EML6: variants seen among roughly 807,000 people sequenced by gnomAD.
EML6 encodes the protein EMAP like 6.
In EML6, 154 loss-of-function variants were observed where a neutral mutation model predicts 240.1. That is an observed-to-expected ratio of 0.64 (90% CI 0.56 to 0.73). The LOEUF (loss-of-function observed/expected upper bound fraction) is 0.73. EML6 is among the 30% of genes least tolerant of loss of function. The pLI is 0.00. For synonymous variants in EML6, 1,148 were observed against 899.0 expected, an observed-to-expected ratio of 1.28 and a Z score of -4.95; for missense variants, 2,964 against 2,474.6, an observed-to-expected ratio of 1.20 and a Z score of -4.20.
At chr2:54,799,877 C>A (rs754210062) in intron 2 of EML6, among the ~76,000 whole-genome samples, 10 of 152,108 alleles carry the variant, frequency 6.6e-5, no homozygotes, top group Non-Finnish European at 1.3e-4. Flanking sequence ...GCTCTCTGAC[C>A]TTTGCTAGAA....
intron 11 of EML6, among the ~76,000 whole-genome samples, chr2:54,856,714 C>T (rs941913364): frequency 1.3e-5 from 2 of 152,088 alleles, no homozygotes; most frequent in African/African-American, 2.4e-5. Context: ...AGGGCTGTGT[C>T]GTAAAGGGCC....
intron 35 of EML6, among the ~76,000 whole-genome samples, chr2:54,961,439 G>T (rs907786459): frequency 1.3e-5 from 2 of 151,266 alleles, no homozygotes; most frequent in South Asian, 4.2e-4. Flanking sequence ...CACCCACCAC[G>T]GCCTCCCAAA....
At chr2:54,798,855 A>T (rs1442253255) in intron 2 of EML6, among the ~76,000 whole-genome samples, 1 of 152,224 alleles carries the variant, frequency 6.6e-6, no homozygotes, top group Non-Finnish European at 1.5e-5. Flanking sequence ...CTTGGTCTTC[A>T]TCATAAAGAG....
rs530232901 is a variant in EML6, at chr2:54,793,856, C to G, written c.198-19376C>G. 1.5e-4 allele frequency among the ~76,000 whole-genome samples: 23 copies of G among 152,258 alleles called. No individual in the cohort carries two copies. In the East Asian group the frequency reaches 4.3e-3, roughly 28 times the overall value. On this transcript the variant is annotated intron_variant, in intron 2 of 41. Transcript: ENST00000356458. ...TGGCTGGAACTCCCTGGAACTCCAG[C>G]CTAGGTCTTTTCTCTTCCTTCCCCT...
intron 10 of EML6, 70 bp from the exon 11 acceptor site, chr2:54,853,573 A>G: frequency 1.0e-6 from 1 of 996,756 alleles, no homozygotes; most frequent in South Asian, 2.3e-5. Flanking sequence ...TTAAAGTTTC[A>G]GATCTTTATA....
chr2:54,961,184 G>GTTGTTTTTTTTTTTTTTTT, intron 35 of EML6, among the ~76,000 whole-genome samples: 1,151 of 55,382 alleles, frequency 0.021, 475 homozygotes, highest in East Asian at 0.058. Context: ...TCAGGAAGTA[G>GTTGTTTTTTTTTTTTTTTT]TTTTTTTTTT....
chr2:54,839,224 A>G (rs1301902487), intron 7 of EML6, among the ~76,000 whole-genome samples: 1 of 152,212 alleles, frequency 6.6e-6, no homozygotes, highest in African/African-American at 2.4e-5. Flanking sequence ...CCCAGAAGAG[A>G]CTGTGTGGTT....
At chr2:54,878,508 T>C (rs1022524224) in intron 16 of EML6, among the ~76,000 whole-genome samples, 4 of 152,242 alleles carry the variant, frequency 2.6e-5, no homozygotes, top group Non-Finnish European at 5.9e-5. Flanking sequence ...ATACCTCTTC[T>C]TTTGTCTTGA....
Position 54,725,041 on chromosome 2 carries a change from G to T in EML6, c.-21G>T. The T allele has an allele frequency of 1.3e-5, 20 of 1,494,412 alleles. No homozygotes were observed. Among genetic ancestry groups the T allele is most frequent in the Non-Finnish European group, 1.8e-5 (20 of 1,122,530 alleles). 92.6% of individuals were successfully genotyped at this position (1,494,412 alleles called of 1,614,324 possible). A position where few individuals can be genotyped will look rare whatever the true frequency, so the allele number is the denominator to read the frequency against. On this transcript the variant is annotated 5_prime_UTR_variant, in exon 2 of 42. Coordinates refer to ENST00000356458, the MANE Select transcript of EML6 (RefSeq NM_001039753.4). The surrounding 1 kb of genome is among the most constrained non-coding windows in gnomAD (Gnocchi z 4.3). ...GGCCCCGGCGCGCGGGGGGGCGGGG[G>T]GCGCGCGGGGTCGGCTTATCATGGC... is the stretch of plus-strand genomic sequence containing the variant.
chr2:54,749,285 T>A (rs1309737095), intron 2 of EML6, among the ~76,000 whole-genome samples: 1 of 152,228 alleles, frequency 6.6e-6, no homozygotes, highest in African/African-American at 2.4e-5. Context: ...TCTTTCATGG[T>A]AAATGCCTAC....
At chr2:54,754,009 C>T (rs1252770137) in intron 2 of EML6, among the ~76,000 whole-genome samples, 1 of 151,874 alleles carries the variant, frequency 6.6e-6, no homozygotes. Flanking sequence ...GCAGCCTGCA[C>T]CTGTAGTCCC....
intron 25 of EML6, among the ~76,000 whole-genome samples, chr2:54,913,049 C>G (rs1267504661): frequency 1.4e-5 from 2 of 146,854 alleles, no homozygotes; most frequent in African/African-American, 5.0e-5. Context: ...ATTCCCTTTA[C>G]TCTTCAGCCT....
At chr2:54,765,146 G>A (rs549405499) in intron 2 of EML6, among the ~76,000 whole-genome samples, 4 of 151,818 alleles carry the variant, frequency 2.6e-5, no homozygotes, top group Non-Finnish European at 1.5e-5. Context: ...TTAAGTGATC[G>A]TAGAAGTTTT....
chr2:54,966,462 T>C (rs1676751451), intron 38 of EML6, among the ~76,000 whole-genome samples: 1 of 152,348 alleles, frequency 6.6e-6, no homozygotes, highest in Admixed American at 6.5e-5. Context: ...AAAAATGGTC[T>C]GTTTCCTTTA....
chr2:54,913,626 T>G (rs1673757926), intron 25 of EML6, among the ~76,000 whole-genome samples: 1 of 152,230 alleles, frequency 6.6e-6, no homozygotes, highest in Admixed American at 6.5e-5. Flanking sequence ...GATATTTTCT[T>G]TTGCTATGTG....
intron 2 of EML6, among the ~76,000 whole-genome samples, chr2:54,789,419 CAGG>C (rs1323989314): frequency 7.2e-6 from 1 of 137,984 alleles, no homozygotes; most frequent in African/African-American, 2.7e-5. Context: ...GAGGCTGAGG[CAGG>C]AGAATGGCGT....
At chr2:54,877,681 T>A (rs1671583479) in intron 16 of EML6, among the ~76,000 whole-genome samples, 1 of 152,226 alleles carries the variant, frequency 6.6e-6, no homozygotes, top group Non-Finnish European at 1.5e-5. Flanking sequence ...TAAGGGGATA[T>A]CATTAGTTGT....
chr2:54,816,738 TA>T (rs1180385130), intron 3 of EML6, 48 bp from the exon 4 acceptor site: 41 of 1,324,812 alleles, frequency 3.1e-5, no homozygotes, highest in Non-Finnish European at 4.4e-5. Flanking sequence ...AACGTGTCAG[TA>T]AGTCTTCCCA....
chr2:54,949,459 G>T (rs1040740100), intron 29 of EML6, among the ~76,000 whole-genome samples: 5 of 152,178 alleles, frequency 3.3e-5, no homozygotes, highest in Non-Finnish European at 7.3e-5. Context: ...TGGCTGAGGG[G>T]AGTTGAGGGA....
Sources: gnomAD v4.1 joint callset for allele counts (sites outside exome capture counted in the v4.1 genomes callset) on GRCh38, gnomAD v4.1.1 for gene constraint, Gnocchi (gnomAD v3.1) non-coding constraint, MANE v1.5 for transcripts, NCBI Gene and HGNC (gene_info 2026-07-23, HGNC 2026-07-21) for gene names.